MYH8: variants seen among roughly 807,000 people sequenced by gnomAD.
The protein encoded by MYH8 is myosin heavy chain 8, also known as myosin-8.
In MYH8, 168 loss-of-function variants were observed where a neutral mutation model predicts 233.2. That is an observed-to-expected ratio of 0.72 (90% CI 0.64 to 0.82). MYH8 has a LOEUF of 0.82. Ranked by LOEUF, MYH8 falls within the 40% of genes least tolerant of loss-of-function variation. MYH8 has a pLI of 0.00. For synonymous variants in MYH8, 785 were observed against 850.6 expected, an observed-to-expected ratio of 0.92 and a Z score of 1.34; for missense variants, 1,995 against 2,327.8, an observed-to-expected ratio of 0.86 and a Z score of 2.94.
chr17:10,392,562 C>T lies in MYH8; in HGVS notation c.5548G>A (p.Val1850Ile). The T allele has an allele frequency of 6.2e-7, 1 of 1,614,150 alleles. No individual in the cohort carries two copies. Among genetic ancestry groups the T allele is most frequent in the Non-Finnish European group, 8.5e-7 (1 of 1,179,998 alleles). ...VKGLRKHERR[V>I]KELTYQTEED... ...TTTACCTGGTAGGTGAGTTCTTTTA[C>T]TCGTCGCTCATGTTTCCGTAAACCT... is the stretch of plus-strand genomic sequence containing the variant. The change falls in exon 38 of 40, where the codon GTA becomes ATA. Residue 1850 changes from valine (V) to isoleucine (I), a missense_variant. Around this residue, in one of 3 missense-constraint regions of MYH8, gnomAD observed 1,498 missense variants for 1,680.9 expected, o/e 0.89. Transcript: ENST00000403437.
intron 35 of MYH8, 129 bp from the exon 36 acceptor site, chr17:10,393,339 C>T: frequency 7.7e-7 from 1 of 1,293,896 alleles, no homozygotes; most frequent in East Asian, 2.3e-5. Flanking sequence ...ATTATTTGTT[C>T]AGTGGAAAAT....
rs377061482 is a variant in MYH8, at chr17:10,418,764, T to C, written c.392A>G (p.Tyr131Cys). ...SGLFCVTVNP[Y>C]KWLPVYKPEV... ...GGGCTTGTACACCGGCAGCCACTTG[T>C]AGGGGTTGACGGTGACACAGAAGAG... Residue 131 changes from tyrosine (Y) to cysteine (C), a missense_variant, in exon 5 of 40, where the codon TAC (tyrosine) becomes TGC (cysteine). Coordinates refer to ENST00000403437, the MANE Select transcript of MYH8 (RefSeq NM_002472.3). The C allele has an allele frequency of 5.6e-6, 9 of 1,613,716 alleles. No individual in the cohort carries two copies. Among genetic ancestry groups the C allele is most frequent in the Non-Finnish European group, 1.7e-6 (2 of 1,179,814 alleles).
intron 15 of MYH8, among the ~76,000 whole-genome samples, chr17:10,410,487 T>C (rs1410597429): frequency 6.6e-6 from 1 of 152,174 alleles, no homozygotes; most frequent in African/African-American, 2.4e-5. Context: ...CAAGAACTAA[T>C]GAGGACAGTA....
chr17:10,390,732 C>A, intron 39 of MYH8, 129 bp from the exon 40 acceptor site: 1 of 1,086,704 alleles, frequency 9.2e-7, no homozygotes, highest in Non-Finnish European at 1.4e-6. Context: ...GACTTTAAAT[C>A]TAAACAGAGT....
At chr17:10,393,298 G>C in intron 35 of MYH8, 88 bp from the exon 36 acceptor site, 1 of 1,501,186 alleles carries the variant, frequency 6.7e-7, no homozygotes, top group Non-Finnish European at 9.2e-7. Flanking sequence ...TTCGTGCAGG[G>C]GATCTGCTGG....
intron 17 of MYH8, among the ~76,000 whole-genome samples, chr17:10,408,116 T>A (rs1033531341): frequency 1.3e-5 from 2 of 151,794 alleles, no homozygotes; most frequent in African/African-American, 4.8e-5. Flanking sequence ...AATTTTTATA[T>A]TCTTAGTAAA....
At chr17:10,409,201 T>C in intron 16 of MYH8, 37 bp from the exon 17 acceptor site, 1 of 1,613,656 alleles carries the variant, frequency 6.2e-7, no homozygotes, top group South Asian at 1.1e-5. Context: ...AAGAATAGAA[T>C]ACCAGAGGCT....
At chr17:10,404,197 A>G in intron 22 of MYH8, 133 bp downstream of exon 22, 2 of 1,093,842 alleles carry the variant, frequency 1.8e-6, no homozygotes, top group South Asian at 2.9e-5. Context: ...ATAGAATACT[A>G]AAAGATAAAT....
In MYH8 at chr17:10,404,486, C is replaced by G; in HGVS notation, c.2532G>C (p.Lys844Asn). 1 of 1,613,994 alleles carries G rather than the reference C, an allele frequency of 6.2e-7. No individual in the cohort carries two copies. Among genetic ancestry groups the G allele is most frequent in the Non-Finnish European group, 8.5e-7 (1 of 1,179,952 alleles). Reference protein sequence around the residue: ...KLFFKIKPLLKSAETEKEMAT... With the variant: ...KLFFKIKPLLNSAETEKEMAT... ...CCATCTCTTTCTCGGTCTCTGCACT[C>G]TTGAGGAGGGGCTTAATCTTGAAAA... The change falls in exon 22 of 40, where the codon AAG becomes AAC. Residue 844 changes from lysine to asparagine, a missense_variant. By Grantham distance (94) the Lys-to-Asn change is moderately conservative (BLOSUM62 0). Around this residue, in one of 3 missense-constraint regions of MYH8, gnomAD observed 1,498 missense variants for 1,680.9 expected, o/e 0.89. Coordinates refer to ENST00000403437, the MANE Select transcript of MYH8 (RefSeq NM_002472.3).
Position 10,400,278 on chromosome 17 carries a change from G to T in MYH8, c.3735+112C>A. Reference sequence around the variant, plus strand: ...AATACCATAGAATGGGATATATTTGGTTAGAAAATATTTGAGTAGTGCTGT... The same window carrying T: ...AATACCATAGAATGGGATATATTTGTTTAGAAAATATTTGAGTAGTGCTGT... On this transcript the variant is annotated intron_variant, in intron 27 of 39. Transcript: ENST00000403437. The surrounding 1 kb of genome is among the most constrained non-coding windows in gnomAD (Gnocchi z 4.0). 3.7e-6 allele frequency: 5 copies of T among 1,342,048 alleles called. 1 individual carries two copies. Among genetic ancestry groups the T allele is most frequent in the Non-Finnish European group, 5.3e-6 (5 of 945,730 alleles). 83.1% of individuals were successfully genotyped at this position (1,342,048 alleles called of 1,614,324 possible).
chr17:10,392,572 A>T lies in MYH8; in HGVS notation c.5538T>A (p.His1846Gln), dbSNP rs199753332. Reference protein sequence around the residue: ...NAEAVKGLRKHERRVKELTYQ... With the variant: ...NAEAVKGLRKQERRVKELTYQ... The stretch of plus-strand genomic sequence containing the variant: ...AGGTGAGTTCTTTTACTCGTCGCTC[A>T]TGTTTCCGTAAACCTTTAACAGCCT... The change falls in exon 38 of 40, where the codon CAT becomes CAA. Residue 1846 changes from histidine (H) to glutamine (Q), a missense_variant. Physicochemically the swap from His to Gln is conservative, Grantham distance 24. This residue lies in a region of MYH8 where 1,498 missense variants were observed against 1,680.9 expected (regional missense o/e 0.89). Coordinates refer to ENST00000403437, the MANE Select transcript of MYH8 (RefSeq NM_002472.3). 9.3e-6 allele frequency: 15 copies of T among 1,614,154 alleles called. No individual in the cohort carries two copies. The East Asian group carries it at 3.3e-4, about 36-fold the overall frequency.
chr17:10,413,094 A>C (rs2072259226), intron 12 of MYH8, among the ~76,000 whole-genome samples: 2 of 152,382 alleles, frequency 1.3e-5, no homozygotes, highest in Admixed American at 6.5e-5. Context: ...GGTAAAAGTC[A>C]GAATATTTTG....
chr17:10,413,843 T>C (rs988753232), intron 12 of MYH8, 59 bp downstream of exon 12: 13 of 1,612,610 alleles, frequency 8.1e-6, no homozygotes, highest in Non-Finnish European at 1.0e-5. Flanking sequence ...GAGTGTAAAA[T>C]AGGATTTTTT....
intron 30 of MYH8, among the ~76,000 whole-genome samples, chr17:10,398,094 G>A (rs2072096067): frequency 6.6e-6 from 1 of 152,152 alleles, no homozygotes; most frequent in African/African-American, 2.4e-5. Context: ...TCCAACATGA[G>A]TTTTAAGAGG....
chr17:10,396,983 T>C lies in MYH8; in HGVS notation c.4182A>G (p.Lys1394=), dbSNP rs2142171105. ...CTTCTTGCAGGCGCTGGGCCAACTT[T>C]TTCCTGAAAAGTTAGCCAGGCAGTC... The part of the protein sequence containing the change: ...QRTEELEEAK[K]KLAQRLQEAE... Residue 1394 remains lysine (K), a synonymous_variant, in exon 31 of 40, where the codon AAA becomes AAG. Coordinates refer to ENST00000403437, the MANE Select transcript of MYH8 (RefSeq NM_002472.3). The surrounding 1 kb of genome is among the most constrained non-coding windows in gnomAD (Gnocchi z 4.2). 1.9e-6 allele frequency: 3 copies of C among 1,614,194 alleles called. No homozygotes were observed. The highest frequency in any genetic ancestry group is 1.1e-5 in the South Asian group (1 of 91,072).
At position 10,404,575 on chromosome 17, in the gene MYH8, A is replaced by G. The variant is rs778780905; in HGVS notation, c.2443T>C (p.Phe815Leu). Residue 815 changes from phenylalanine (F) to leucine (L), a missense_variant, in exon 22 of 40, where the codon TTC (phenylalanine) becomes CTC (leucine). Coordinates refer to ENST00000403437, the MANE Select transcript of MYH8 (RefSeq NM_002472.3). ...GCACGGACATTATACTGGATGCAGA[A>G]AAGTGCTTCTCTGCGATGACATGAA... ...QKMLQRREAL[F>L]CIQYNVRAFM... is the part of the protein sequence containing the mutation. 6 of 1,613,996 alleles carry G rather than the reference A, an allele frequency of 3.7e-6. No individual in the cohort carries two copies. The highest frequency in any genetic ancestry group is 5.1e-6 in the Non-Finnish European group (6 of 1,179,870).
rs746175156 is a variant in MYH8, at chr17:10,393,129, C to G, written c.5248G>C (p.Glu1750Gln). 3 of 1,614,078 alleles carry G rather than the reference C, an allele frequency of 1.9e-6. No homozygotes were observed. Among genetic ancestry groups the G allele is most frequent in the Non-Finnish European group, 2.5e-6 (3 of 1,180,048 alleles). ...GCTTTCTCTTCTGCATTGCGTGATT[C>G]TTGGATTACTTCTTCCACTTCACTT... ...LQSEVEEVIQ[E>Q]SRNAEEKAKK... is the part of the protein sequence containing the mutation. The change falls in exon 36 of 40, where the codon GAA (glutamate) becomes CAA (glutamine). Residue 1750 changes from glutamate to glutamine, a missense_variant. Glu to Gln is a conservative substitution (Grantham distance 29). Around this residue, in one of 3 missense-constraint regions of MYH8, gnomAD observed 1,498 missense variants for 1,680.9 expected, o/e 0.89. Transcript: ENST00000403437.
Position 10,409,547 on chromosome 17 carries a change from G to A in MYH8, c.1629C>T (p.Phe543=). 1 of 1,614,188 alleles carries A rather than the reference G, an allele frequency of 6.2e-7. No homozygotes were observed. Among genetic ancestry groups the A allele is most frequent in the Non-Finnish European group, 8.5e-7 (1 of 1,180,034 alleles). The part of the protein sequence containing the change: ...IFSILEEECM[F]PKATDTSFKN... ...TGAAGGAGGTGTCCGTTGCCTTAGGGAACATGCACTCCTCTTCCAGGATGG... is the reference window on the plus strand; with the variant it reads ...TGAAGGAGGTGTCCGTTGCCTTAGGAAACATGCACTCCTCTTCCAGGATGG... The change falls in exon 16 of 40, where the codon TTC becomes TTT. Residue 543 remains phenylalanine, a synonymous_variant. Transcript: ENST00000403437.
intron 38 of MYH8, 116 bp from the exon 39 acceptor site, chr17:10,392,093 T>C (rs2072031484): frequency 9.8e-6 from 8 of 814,812 alleles, no homozygotes; most frequent in African/African-American, 1.7e-5. Flanking sequence ...CTTGATCAAC[T>C]CTGAGATTTT....
Sources: allele counts gnomAD v4.1 joint callset (sites outside exome capture counted in the v4.1 genomes callset), GRCh38; gene constraint gnomAD v4.1.1; regional missense constraint gnomAD v4.1.1; non-coding constraint Gnocchi (gnomAD v3.1); transcripts MANE v1.5; gene names NCBI Gene and HGNC (gene_info 2026-07-23, HGNC 2026-07-21).